Variants in USP43 observed in about 807,000 individuals in gnomAD.
The protein encoded by USP43 is ubiquitin carboxyl-terminal hydrolase 43.
Under a neutral mutation model 90.7 loss-of-function variants are expected in USP43, and 33 were observed. The ratio of observed to expected loss-of-function variants is 0.36; its 90% CI spans 0.28 to 0.49. The LOEUF (loss-of-function observed/expected upper bound fraction) is 0.49. Among genes scored for constraint, USP43 ranks in the 20% least tolerant of loss-of-function variants. USP43 has a pLI of 0.98. For missense variants in USP43, 1,274 were observed against 1,476.4 expected (o/e 0.86, Z 2.25); for synonymous variants, 598 against 615.8 (o/e 0.97, Z 0.43).
chr17:9,674,170 T>A lies in USP43; in HGVS notation c.741-721T>A, dbSNP rs1913618676. On this transcript the variant is annotated intron_variant, in intron 3 of 14. Coordinates refer to ENST00000285199, the MANE Select transcript of USP43 (RefSeq NM_153210.5). This position sits in a 1 kb window ranked among gnomAD's most constrained non-coding sequence, Gnocchi z 4.4. ...CCTGAGATCCCTTCAGCTTGGAAGT[T>A]GGCATGCTGGGTTTGTATGGCAGGG... is the stretch of plus-strand genomic sequence containing the variant. Among the ~76,000 whole-genome samples the A allele has an allele frequency of 6.6e-6, 1 of 152,112 alleles. No individual in the cohort carries two copies. Among genetic ancestry groups the A allele is most frequent in the Non-Finnish European group, 1.5e-5 (1 of 68,034 alleles).
At position 9,701,131 on chromosome 17, in the gene USP43, C is replaced by T; in HGVS notation, c.1548C>T (p.Ser516=). The T allele has an allele frequency of 6.8e-7, 1 of 1,475,632 alleles. No individual in the cohort carries two copies. The allele number at this position is 1,475,632 out of a possible 1,614,324, so 91.4% of individuals were successfully genotyped here. A position where few individuals can be genotyped will look rare whatever the true frequency, so the allele number is the denominator to read the frequency against. Residue 516 remains serine (S), a synonymous_variant, in exon 11 of 15, where the codon AGC becomes AGT. Coordinates refer to ENST00000285199, the MANE Select transcript of USP43 (RefSeq NM_153210.5). The surrounding 1 kb of genome is among the most constrained non-coding windows in gnomAD (Gnocchi z 7.2). ...CCTCTCCGTGCAGCCTGTTCGGGAG[C>T]CTCCAGGAGGAGCGAGCGCAGGATG... is the stretch of plus-strand genomic sequence containing the variant. ...DSSVKERLFG[S]LQEERAQDAD... is the part of the protein sequence containing the mutation.
chr17:9,722,538 C>T (rs543142697), intron 14 of USP43, among the ~76,000 whole-genome samples: 3 of 152,230 alleles, frequency 2.0e-5, no homozygotes, highest in East Asian at 3.9e-4. Flanking sequence ...CTGATGCGAG[C>T]GAGTCGCGCT....
chr17:9,673,182 A>G (rs1360987377), intron 3 of USP43, among the ~76,000 whole-genome samples: 1 of 152,182 alleles, frequency 6.6e-6, no homozygotes, highest in Non-Finnish European at 1.5e-5. Context: ...TGATAAGAGA[A>G]AGAAAATTGG....
At chr17:9,695,660 G>A (rs1915216765) in intron 9 of USP43, among the ~76,000 whole-genome samples, 1 of 152,124 alleles carries the variant, frequency 6.6e-6, no homozygotes, top group East Asian at 1.9e-4. Context: ...ACTTGAAAGT[G>A]TACAGTTCAG....
In USP43 at chr17:9,712,053, G is replaced by C. The variant is rs370278448; in HGVS notation, c.2256G>C (p.Trp752Cys). 242 of 1,612,730 alleles carry C rather than the reference G, an allele frequency of 1.5e-4. No individual in the cohort carries two copies. Among genetic ancestry groups the C allele is most frequent in the Non-Finnish European group, 1.9e-4 (222 of 1,179,362 alleles). ...AGSTRGSLLS[W>C]SSAPCPSLPQ... Reference sequence around the variant, plus strand: ...GCACAAGGGGAAGCCTGCTGTCCTGGAGCTCTGCCCCCTGCCCCTCCCTGC... The same window carrying C: ...GCACAAGGGGAAGCCTGCTGTCCTGCAGCTCTGCCCCCTGCCCCTCCCTGC... The change falls in exon 14 of 15, where the codon TGG becomes TGC. Residue 752 changes from tryptophan to cysteine, a missense_variant. Around this residue, in one of 6 missense-constraint regions of USP43, gnomAD observed 285 missense variants for 349.6 expected, o/e 0.82. Coordinates refer to ENST00000285199, the MANE Select transcript of USP43 (RefSeq NM_153210.5).
chr17:9,645,987 C>T lies in USP43; in HGVS notation c.355C>T (p.Leu119Phe). Residue 119 changes from leucine (L) to phenylalanine (F), a missense_variant, in exon 1 of 15, where the codon CTC becomes TTC. Physicochemically the swap from Leu to Phe is conservative, Grantham distance 22 (BLOSUM62 0). Coordinates refer to ENST00000285199, the MANE Select transcript of USP43 (RefSeq NM_153210.5). This position sits in a 1 kb window ranked among gnomAD's most constrained non-coding sequence, Gnocchi z 6.8. Reference sequence around the variant, plus strand: ...TTTCATGAACGCGGTGGTGCAGTGTCTCAGCAACACCGACCTGCTGGCCGA... The same window carrying T: ...TTTCATGAACGCGGTGGTGCAGTGTTTCAGCAACACCGACCTGCTGGCCGA... ...TCFMNAVVQCLSNTDLLAEFL... is the reference protein window; with the variant it reads ...TCFMNAVVQCFSNTDLLAEFL... The T allele has an allele frequency of 1.3e-6, 2 of 1,482,110 alleles. No homozygotes were observed. The highest frequency in any genetic ancestry group is 1.8e-6 in the Non-Finnish European group (2 of 1,118,460). 91.8% of individuals were successfully genotyped at this position (1,482,110 alleles called of 1,614,324 possible).
At chr17:9,657,220 C>T (rs1183746502) in intron 2 of USP43, among the ~76,000 whole-genome samples, 2 of 152,108 alleles carry the variant, frequency 1.3e-5, no homozygotes, top group Non-Finnish European at 2.9e-5. Flanking sequence ...TAAAGAAATA[C>T]CTGAGGCCGG....
At position 9,701,251 on chromosome 17, in the gene USP43, G is replaced by GCC; in HGVS notation, c.1662+8_1662+9dup. ...TCTACACCAAGGAGGAGCAGGTCCCGCCCTGGGGGTCCATGCCCCGGCCGG... is the reference window on the plus strand; with the variant it reads ...TCTACACCAAGGAGGAGCAGGTCCCGCCCCCTGGGGGTCCATGCCCCGGCCGG... On this transcript the variant is annotated splice_region_variant and intron_variant, in intron 11 of 14. Transcript: ENST00000285199. The surrounding 1 kb of genome is among the most constrained non-coding windows in gnomAD (Gnocchi z 7.2). The GCC allele has an allele frequency of 6.2e-7, 1 of 1,606,398 alleles. No individual in the cohort carries two copies. Among genetic ancestry groups the GCC allele is most frequent in the South Asian group, 1.1e-5 (1 of 89,676 alleles).
chr17:9,728,022 A>G lies in USP43; in HGVS notation c.2404A>G (p.Thr802Ala). 6.2e-7 allele frequency: 1 copy of G among 1,613,458 alleles called. No homozygotes were observed. Among genetic ancestry groups the G allele is most frequent in the Non-Finnish European group, 8.5e-7 (1 of 1,179,572 alleles). The change falls in exon 15 of 15, where the codon ACT (threonine) becomes GCT (alanine). Residue 802 changes from threonine to alanine, a missense_variant. Physicochemically the swap from Thr to Ala is moderately conservative, Grantham distance 58. Transcript: ENST00000285199. This position sits in a 1 kb window ranked among gnomAD's most constrained non-coding sequence, Gnocchi z 6.2. ...GRSISMKAPT[T>A]SRAKQGPFKT... ...AAGCATTAGCATGAAGGCACCCACC[A>G]CTTCCCGAGCCAAGCAGGGACCATT...
At chr17:9,648,068 C>G (rs748068018) in intron 1 of USP43, among the ~76,000 whole-genome samples, 2 of 152,112 alleles carry the variant, frequency 1.3e-5, no homozygotes, top group Non-Finnish European at 2.9e-5. Context: ...TTAGTAATCA[C>G]CCTCAATGAC....
chr17:9,663,258 G>A (rs1158655143), intron 2 of USP43, among the ~76,000 whole-genome samples: 11 of 151,452 alleles, frequency 7.3e-5, no homozygotes, highest in Admixed American at 5.3e-4. Context: ...CAGAGCAGTC[G>A]AGTAACTTGT....
At chr17:9,718,668 C>T (rs1403264935) in intron 14 of USP43, among the ~76,000 whole-genome samples, 1 of 142,648 alleles carries the variant, frequency 7.0e-6, no homozygotes, top group Non-Finnish European at 1.5e-5. Flanking sequence ...TAGAGAAACT[C>T]CATCTCTACT....
intron 2 of USP43, among the ~76,000 whole-genome samples, chr17:9,660,970 T>G (rs1912603429): frequency 6.6e-6 from 1 of 152,242 alleles, no homozygotes; most frequent in Non-Finnish European, 1.5e-5. Context: ...GAAACTTCAT[T>G]TTCCCTTTCC....
chr17:9,667,709 C>A (rs1031912823), intron 3 of USP43, among the ~76,000 whole-genome samples: 3 of 152,046 alleles, frequency 2.0e-5, no homozygotes, highest in African/African-American at 7.2e-5. Flanking sequence ...GCACAGTGGT[C>A]GGGATTTAGA....
In USP43 at chr17:9,686,672, T is replaced by G; in HGVS notation, c.1242-126T>G. 2 of 723,376 alleles carry G rather than the reference T, an allele frequency of 2.8e-6. No individual in the cohort carries two copies. The highest frequency in any genetic ancestry group is 4.5e-6 in the Non-Finnish European group (2 of 444,142). 44.8% of individuals were successfully genotyped at this position (723,376 alleles called of 1,614,324 possible). A position where few individuals can be genotyped will look rare whatever the true frequency, so the allele number is the denominator to read the frequency against. On this transcript the variant is annotated intron_variant, in intron 7 of 14. Transcript: ENST00000285199. The surrounding 1 kb of genome is among the most constrained non-coding windows in gnomAD (Gnocchi z 5.5). ...TTCTTTGGTTTTTTTTGCTGTTGAG[T>G]TTTTGTGCTTAGCTCTTGTCACTTA...
chr17:9,682,230 G>T (rs1243145543), intron 6 of USP43, among the ~76,000 whole-genome samples: 1 of 152,148 alleles, frequency 6.6e-6, no homozygotes, highest in Non-Finnish European at 1.5e-5. Context: ...TATTTTTCAG[G>T]TGACTTGAAA....
chr17:9,679,083 A>G (rs1413152133), intron 5 of USP43, among the ~76,000 whole-genome samples: 1 of 152,102 alleles, frequency 6.6e-6, no homozygotes, highest in Admixed American at 6.6e-5. Context: ...TTAGCTTTAT[A>G]TAGTTGATAA....
intron 1 of USP43, among the ~76,000 whole-genome samples, chr17:9,648,371 T>A (rs962265473): frequency 2.6e-5 from 4 of 152,240 alleles, no homozygotes; most frequent in African/African-American, 7.2e-5. Flanking sequence ...AGACTAGGAA[T>A]GCATGGAATG....
intron 2 of USP43, among the ~76,000 whole-genome samples, chr17:9,659,292 G>A (rs1231712482): frequency 6.6e-6 from 1 of 151,954 alleles, no homozygotes; most frequent in African/African-American, 2.4e-5. Context: ...ACACAGAGTA[G>A]ACAATAAACT....
Sources: gnomAD v4.1 joint callset for allele counts (sites outside exome capture counted in the v4.1 genomes callset) on GRCh38, gnomAD v4.1.1 for gene constraint, gnomAD v4.1.1 regional missense constraint, Gnocchi (gnomAD v3.1) non-coding constraint, MANE v1.5 for transcripts, NCBI Gene and HGNC (gene_info 2026-07-23, HGNC 2026-07-21) for gene names.